Variants in ABCA12 observed in about 807,000 individuals in gnomAD.
The protein encoded by ABCA12 is glucosylceramide transporter ABCA12.
Under a neutral mutation model 293.5 loss-of-function variants are expected in ABCA12, and 156 were observed. The ratio of observed to expected loss-of-function variants is 0.53; its 90% CI spans 0.47 to 0.61. ABCA12 has a LOEUF of 0.61. Among genes scored for constraint, ABCA12 ranks in the 20% least tolerant of loss-of-function variants. The probability of loss-of-function intolerance (pLI) is 0.00; values close to 1 mark genes in which losing one functional copy is unlikely to be tolerated. For missense variants in ABCA12, 2,797 were observed against 3,090.2 expected, an observed-to-expected ratio of 0.91 and a Z score of 2.25; for synonymous variants, 1,063 against 1,108.0, an observed-to-expected ratio of 0.96 and a Z score of 0.81.
chr2:215,134,962 A>C (rs565862798), intron 1 of ABCA12, among the ~76,000 whole-genome samples: 1 of 151,408 alleles, frequency 6.6e-6, no homozygotes, highest in South Asian at 2.1e-4. Flanking sequence ...TTAAAAAAAA[A>C]TTATTTATTT....
intron 20 of ABCA12, among the ~76,000 whole-genome samples, chr2:215,003,794 A>G (rs377410204): frequency 9.2e-5 from 14 of 152,080 alleles, no homozygotes; most frequent in South Asian, 8.3e-4. Context: ...CAGCCTCCCA[A>G]GCAGCTGGGA....
At chr2:215,092,042 C>A (rs1382329038) in intron 2 of ABCA12, among the ~76,000 whole-genome samples, 1 of 152,246 alleles carries the variant, frequency 6.6e-6, no homozygotes, top group African/African-American at 2.4e-5. Flanking sequence ...CTTCCCAGAT[C>A]TTCTCAGATT....
At position 214,968,737 on chromosome 2, in the gene ABCA12, T is replaced by C. The variant is rs1278525433; in HGVS notation, c.5761A>G (p.Asn1921Asp). 1 of 1,613,328 alleles carries C rather than the reference T, an allele frequency of 6.2e-7. No homozygotes were observed. Residue 1921 changes from asparagine to aspartate, a missense_variant, in exon 38 of 53, where the codon AAT becomes GAT. Physicochemically the swap from Asn to Asp is conservative, Grantham distance 23. Around this residue, in one of 3 missense-constraint regions of ABCA12, gnomAD observed 2,130 missense variants for 2,427.0 expected, o/e 0.88. Transcript: ENST00000272895. ...LRFDITGVPA[N>D]RTLAKVWYDP... ...AAATTTACCTTGGCAAGTGTTCTAT[T>C]GGCAGGGACTCCTGTTATATCAAAA...
At chr2:215,048,844 T>C (rs2106052850) in intron 6 of ABCA12, among the ~76,000 whole-genome samples, 1 of 152,356 alleles carries the variant, frequency 6.6e-6, no homozygotes, top group Middle Eastern at 3.4e-3. Context: ...TGAGATGATG[T>C]CCTTTGCAGG....
chr2:215,015,021 G>A (rs1700459707), intron 15 of ABCA12, among the ~76,000 whole-genome samples: 1 of 152,078 alleles, frequency 6.6e-6, no homozygotes, highest in Admixed American at 6.5e-5. Flanking sequence ...TTCTGGGTAT[G>A]TAATGGTAGC....
chr2:215,008,342 A>C (rs889278042), intron 18 of ABCA12, among the ~76,000 whole-genome samples: 1 of 152,150 alleles, frequency 6.6e-6, no homozygotes, highest in Non-Finnish European at 1.5e-5. Flanking sequence ...ATACTGCTAC[A>C]TAAAACCGAT....
intron 3 of ABCA12, among the ~76,000 whole-genome samples, chr2:215,056,268 C>G (rs566083304): frequency 6.6e-6 from 1 of 152,078 alleles, no homozygotes; most frequent in Non-Finnish European, 1.5e-5. Flanking sequence ...ACGGAGGACA[C>G]TTTACTCATC....
Position 215,095,034 on chromosome 2 carries a change from C to A in ABCA12, c.163+16563G>T, listed in dbSNP as rs192638717. The stretch of plus-strand genomic sequence containing the variant: ...CCAAAAATCAATTTGCAAATAGGAC[C>A]GAACAGTGCCCTGTCCCCCTCATGA... On this transcript the variant is annotated intron_variant, in intron 2 of 52. Transcript: ENST00000272895. Among the ~76,000 whole-genome samples the A allele has an allele frequency of 2.1e-3, 312 of 152,126 alleles. 3 individuals are homozygous for A. The highest frequency in any genetic ancestry group is 7.1e-3 in the African/African-American group (296 of 41,464).
intron 3 of ABCA12, among the ~76,000 whole-genome samples, chr2:215,057,411 G>A (rs900532472): frequency 1.3e-5 from 2 of 151,874 alleles, no homozygotes; most frequent in Non-Finnish European, 2.9e-5. Flanking sequence ...GGAGCTGGAG[G>A]CCCATATTTT....
chr2:215,054,232 C>G (rs1701376347), intron 4 of ABCA12, among the ~76,000 whole-genome samples: 1 of 152,006 alleles, frequency 6.6e-6, no homozygotes, highest in Admixed American at 6.6e-5. Flanking sequence ...GAGATTCTTT[C>G]CAAAAATTTT....
chr2:215,007,179 G>A (rs113477334), intron 19 of ABCA12, among the ~76,000 whole-genome samples: 1 of 152,100 alleles, frequency 6.6e-6, no homozygotes, highest in African/African-American at 2.4e-5. Context: ...CTGGCCTAGA[G>A]CACTTTTTCC....
chr2:215,082,099 C>T (rs1229844594), intron 2 of ABCA12, among the ~76,000 whole-genome samples: 1 of 128,584 alleles, frequency 7.8e-6, no homozygotes, highest in African/African-American at 3.0e-5. Flanking sequence ...GGCTAGAGTG[C>T]AGTGGCACGA....
intron 9 of ABCA12, among the ~76,000 whole-genome samples, chr2:215,030,667 A>C (rs1038750021): frequency 6.6e-6 from 1 of 151,884 alleles, no homozygotes; most frequent in African/African-American, 2.4e-5. Flanking sequence ...GAAATTGCCT[A>C]AGGGCTTGGT....
intron 2 of ABCA12, among the ~76,000 whole-genome samples, chr2:215,081,974 A>T (rs1028282508): frequency 2.6e-5 from 4 of 152,056 alleles, no homozygotes; most frequent in African/African-American, 9.7e-5. Context: ...TATTGACCTC[A>T]GATGAAAGTA....
At chr2:214,999,892 G>GAGAAA (rs1287549721) in intron 22 of ABCA12, 1 of 937,002 alleles carries the variant, frequency 1.1e-6, no homozygotes, top group East Asian at 1.2e-4. Context: ...GAAAAAAGAA[G>GAGAAA]AGAAAAGAAA....
chr2:215,013,346 G>C (rs568043156), intron 15 of ABCA12: 1 of 152,300 alleles, frequency 6.6e-6, no homozygotes, highest in South Asian at 2.1e-4. Context: ...GCTGTTTGAG[G>C]TCCCTGAGAG....
intron 11 of ABCA12, among the ~76,000 whole-genome samples, chr2:215,024,258 G>C (rs2106020060): frequency 6.6e-6 from 1 of 152,296 alleles, no homozygotes; most frequent in East Asian, 1.9e-4. Flanking sequence ...TTATCTCACT[G>C]TATTACAATT....
intron 3 of ABCA12, among the ~76,000 whole-genome samples, chr2:215,058,467 C>T (rs1701463885): frequency 6.6e-6 from 1 of 152,036 alleles, no homozygotes. Context: ...AAATCCTATT[C>T]AGGAACTCTA....
intron 2 of ABCA12, among the ~76,000 whole-genome samples, chr2:215,099,401 A>G (rs1047950760): frequency 6.6e-6 from 1 of 152,160 alleles, no homozygotes; most frequent in African/African-American, 2.4e-5. Context: ...TCACTCTTTA[A>G]TTTCCGACCC....
Sources: gnomAD v4.1 joint callset for allele counts (sites outside exome capture counted in the v4.1 genomes callset) on GRCh38, gnomAD v4.1.1 for gene constraint, gnomAD v4.1.1 regional missense constraint, MANE v1.5 for transcripts, NCBI Gene and HGNC (gene_info 2026-07-23, HGNC 2026-07-21) for gene names.